Variants in ARL15 observed in about 807,000 individuals in gnomAD.
ARL15 encodes the protein ARF like GTPase 15.
Under a neutral mutation model 25.2 loss-of-function variants are expected in ARL15, and 19 were observed. The observed-to-expected ratio is 0.75, with a 90% CI of 0.53 to 1.10. ARL15 has a LOEUF of 1.10. Ranked by LOEUF, ARL15 falls within the 50% of genes least tolerant of loss-of-function variation. The pLI, the probability that ARL15 is intolerant of heterozygous loss-of-function variation, is 0.00. For synonymous variants in ARL15, 94 were observed against 86.8 expected, an observed-to-expected ratio of 1.08 and a Z score of -0.46; for missense variants, 220 against 246.0, an observed-to-expected ratio of 0.89 and a Z score of 0.71.
rs574769268 is a variant in ARL15 at position 54,282,632 on chromosome 5, C to G, written c.48+27800G>C. The stretch of plus-strand genomic sequence containing the variant: ...TTAATTTTACTTCTTTCAAATCTTG[C>G]TCTAATATCCCATTTTAATAATAAA... On this transcript the variant is annotated intron_variant, in intron 1 of 4. Transcript: ENST00000504924. 27 of 873,706 alleles carry G rather than the reference C, an allele frequency of 3.1e-5. No individual in the cohort carries two copies. The African/African-American group carries it at 4.5e-4, about 15-fold the overall frequency. 54.1% of individuals were successfully genotyped at this position (873,706 alleles called of 1,614,324 possible).
intron 1 of ARL15, among the ~76,000 whole-genome samples, chr5:54,249,548 C>T (rs894050163): frequency 2.0e-5 from 3 of 150,892 alleles, no homozygotes; most frequent in African/African-American, 7.3e-5. Context: ...AGATAGGTAA[C>T]AATATACAGA....
In ARL15 at chr5:53,886,529, G is replaced by A. The variant is rs750969913; in HGVS notation, c.*32C>T. 4 of 1,546,512 alleles carry A rather than the reference G, an allele frequency of 2.6e-6. No individual in the cohort carries two copies. The highest frequency in any genetic ancestry group is 2.4e-5 in the South Asian group (2 of 82,794). ...GAGAAACTAACATGATAGGTTCAAG[G>A]CCTTTTGGGAGCCTGTTTTCTTTGC... On this transcript the variant is annotated 3_prime_UTR_variant, in exon 5 of 5. Coordinates refer to ENST00000504924, the MANE Select transcript of ARL15 (RefSeq NM_019087.3).
chr5:53,917,523 A>G (rs1307834872), intron 4 of ARL15, among the ~76,000 whole-genome samples: 1 of 152,228 alleles, frequency 6.6e-6, no homozygotes, highest in Non-Finnish European at 1.5e-5. Context: ...CATAAAATCT[A>G]AAGTCTCTGC....
At chr5:54,040,428 A>G (rs546603144) in intron 4 of ARL15, among the ~76,000 whole-genome samples, 330 of 152,310 alleles carry the variant, frequency 2.2e-3, no homozygotes, top group Non-Finnish European at 4.4e-3. Context: ...CATAATTTTC[A>G]GAAAGAATAC....
intron 4 of ARL15, among the ~76,000 whole-genome samples, chr5:54,000,159 T>G (rs1447834086): frequency 6.6e-6 from 1 of 152,142 alleles, no homozygotes; most frequent in Non-Finnish European, 1.5e-5. Context: ...CCTCTAGTTT[T>G]TTTAAGTTTG....
At chr5:54,094,915 A>T (rs1217630252) in intron 4 of ARL15, among the ~76,000 whole-genome samples, 2 of 152,230 alleles carry the variant, frequency 1.3e-5, no homozygotes, top group Non-Finnish European at 2.9e-5. Context: ...CGACTTGCTA[A>T]AAGTTAGATC....
chr5:53,890,365 G>A (rs1744672994), intron 4 of ARL15, among the ~76,000 whole-genome samples: 1 of 151,818 alleles, frequency 6.6e-6, no homozygotes. Context: ...TATTTTTTAT[G>A]ATGGACATAC....
At chr5:54,230,495 A>G (rs1371060131) in intron 1 of ARL15, among the ~76,000 whole-genome samples, 1 of 152,170 alleles carries the variant, frequency 6.6e-6, no homozygotes, top group Non-Finnish European at 1.5e-5. Flanking sequence ...AGATGCCTCA[A>G]TACGGTCTCC....
intron 1 of ARL15, among the ~76,000 whole-genome samples, chr5:54,256,546 C>T (rs775369524): frequency 1.4e-5 from 2 of 146,670 alleles, no homozygotes; most frequent in Non-Finnish European, 3.0e-5. Context: ...CTGAGAAAGA[C>T]GGAATCCTCT....
chr5:54,249,037 TA>T (rs1398522020), intron 1 of ARL15, among the ~76,000 whole-genome samples: 1 of 150,880 alleles, frequency 6.6e-6, no homozygotes. Context: ...ACCCTGTCTC[TA>T]AAAAAAATAA....
At chr5:54,024,693 T>C (rs1239528141) in intron 4 of ARL15, among the ~76,000 whole-genome samples, 1 of 152,158 alleles carries the variant, frequency 6.6e-6, no homozygotes, top group African/African-American at 2.4e-5. Context: ...CAACATATGG[T>C]TACTCATATT....
intron 4 of ARL15, among the ~76,000 whole-genome samples, chr5:54,010,964 C>A (rs1476542237): frequency 2.0e-5 from 3 of 148,622 alleles, no homozygotes; most frequent in Admixed American, 1.3e-4. Context: ...CGCGCCACTG[C>A]ACTCCAGCCC....
intron 1 of ARL15, among the ~76,000 whole-genome samples, chr5:54,271,492 G>A (rs1757781481): frequency 6.6e-6 from 1 of 152,162 alleles, no homozygotes; most frequent in Non-Finnish European, 1.5e-5. Context: ...GGGAAATACT[G>A]TTTAGGGAAT....
intron 1 of ARL15, among the ~76,000 whole-genome samples, chr5:54,231,985 T>C (rs2112556731): frequency 6.6e-6 from 1 of 152,300 alleles, no homozygotes; most frequent in South Asian, 2.1e-4. Context: ...CCTGACCACT[T>C]AGCAGTCTAC....
chr5:54,044,158 T>C (rs571468122), intron 4 of ARL15, among the ~76,000 whole-genome samples: 28 of 152,272 alleles, frequency 1.8e-4, no homozygotes, highest in African/African-American at 5.8e-4. Flanking sequence ...AAGTTTCTTG[T>C]AAGTACATTA....
rs189068926 is a variant in ARL15 at position 54,019,284 on chromosome 5, A to G, written c.462+93918T>C. ...CCCTTATCCACATATGTCAAAGGTA[A>G]GTAAACGACGTATTGTTTAAGTAGG... On this transcript the variant is annotated intron_variant, in intron 4 of 4. Transcript: ENST00000504924. Among the ~76,000 whole-genome samples, 5 of 152,244 alleles carry G rather than the reference A, an allele frequency of 3.3e-5. No homozygotes were observed. The East Asian group carries it at 9.7e-4, about 29-fold the overall frequency.
chr5:54,031,452 T>C (rs1256022637), intron 4 of ARL15, among the ~76,000 whole-genome samples: 1 of 152,132 alleles, frequency 6.6e-6, no homozygotes, highest in Non-Finnish European at 1.5e-5. Context: ...AGAAGAAGTG[T>C]AGATAGAATA....
chr5:54,088,322 A>G (rs1341195844), intron 4 of ARL15, among the ~76,000 whole-genome samples: 1 of 152,252 alleles, frequency 6.6e-6, no homozygotes, highest in East Asian at 1.9e-4. Flanking sequence ...AAACTGGGCT[A>G]TACGTATGTG....
intron 4 of ARL15, among the ~76,000 whole-genome samples, chr5:53,949,137 A>T (rs1474366234): frequency 6.6e-6 from 1 of 152,206 alleles, no homozygotes; most frequent in Non-Finnish European, 1.5e-5. Context: ...CAGTTAGATA[A>T]ATAAGCCTCA....
Sources: allele counts gnomAD v4.1 joint callset (sites outside exome capture counted in the v4.1 genomes callset), GRCh38; gene constraint gnomAD v4.1.1; transcripts MANE v1.5; gene names NCBI Gene and HGNC (gene_info 2026-07-23, HGNC 2026-07-21).